The following FYB1 variants were observed in gnomAD, a reference collection of about 807,000 sequenced individuals.
The protein encoded by FYB1 is FYN binding protein 1, also known as FYN-binding protein 1.
FYB1 carries 41 observed loss-of-function variants against 94.1 expected under a neutral mutation model. The ratio of observed to expected loss-of-function variants is 0.44; its 90% confidence interval spans 0.34 to 0.57. The LOEUF is 0.57. Among genes scored for constraint, FYB1 ranks in the 20% least tolerant of loss-of-function variants. The pLI is 0.02. For synonymous variants in FYB1, 367 were observed against 353.2 expected (o/e 1.04, Z -0.44); for missense variants, 1,050 against 976.8 (o/e 1.07, Z -1.00).
chr5:39,219,735 T>G (rs886694133), upstream of FYB1: 2 of 307,096 alleles, frequency 6.5e-6, no homozygotes, highest in Non-Finnish European at 9.5e-6. Context: ...CCTGGATACT[T>G]CTGCTAACAT....
At chr5:39,130,546 A>G (rs945113409) in intron 10 of FYB1, 44 bp downstream of exon 10, 2 of 1,474,026 alleles carry the variant, frequency 1.4e-6, no homozygotes, top group Non-Finnish European at 9.3e-7. Flanking sequence ...ATGCCAATAT[A>G]TGTATCAATT....
intron 18 of FYB1, 37 bp from the exon 19 acceptor site, chr5:39,107,502 A>G (rs760207864): frequency 2.1e-6 from 3 of 1,404,512 alleles, no homozygotes; most frequent in Non-Finnish European, 2.9e-6. Flanking sequence ...TATAGTTATT[A>G]AAAACATATT....
At chr5:39,125,614 G>T (rs990714236) in intron 12 of FYB1, among the ~76,000 whole-genome samples, 18 of 152,104 alleles carry the variant, frequency 1.2e-4, no homozygotes, top group South Asian at 2.1e-4. Flanking sequence ...ATGTGGCATT[G>T]GAATTGTGAG....
intron 1 of FYB1, among the ~76,000 whole-genome samples, chr5:39,240,349 T>C (rs556465132): frequency 1.3e-5 from 2 of 152,326 alleles, no homozygotes; most frequent in South Asian, 4.1e-4. Context: ...AAAGAACTTC[T>C]GTGCAGGAAA....
At chr5:39,108,992 A>C (rs947525312) in intron 17 of FYB1, among the ~76,000 whole-genome samples, 1 of 152,158 alleles carries the variant, frequency 6.6e-6, no homozygotes, top group Non-Finnish European at 1.5e-5. Context: ...GTACCTTATA[A>C]TCAAACAGGA....
At chr5:39,136,435 T>C (rs150871585) in intron 7 of FYB1, among the ~76,000 whole-genome samples, 2 of 152,310 alleles carry the variant, frequency 1.3e-5, no homozygotes, top group East Asian at 3.9e-4. Context: ...AGATTGGTAG[T>C]CATGCATTCT....
At chr5:39,183,629 C>T (rs977669011) in intron 2 of FYB1, among the ~76,000 whole-genome samples, 4 of 152,198 alleles carry the variant, frequency 2.6e-5, no homozygotes, top group Admixed American at 2.6e-4. Context: ...TCTATTCTTC[C>T]ATTCCTACTC....
intron 2 of FYB1, chr5:39,170,051 C>T: frequency 1.2e-6 from 1 of 820,058 alleles, no homozygotes; most frequent in Non-Finnish European, 2.1e-6. Flanking sequence ...GAGGCCTCCA[C>T]TGGTGTCCTA....
chr5:39,119,114 A>G, intron 15 of FYB1, 78 bp from the exon 16 acceptor site: 1 of 682,748 alleles, frequency 1.5e-6, no homozygotes, highest in Non-Finnish European at 2.2e-6. Flanking sequence ...TGGATTTATT[A>G]AAAAGTTATT....
chr5:39,250,004 C>A (rs1220740596), intron 1 of FYB1, among the ~76,000 whole-genome samples: 3 of 152,128 alleles, frequency 2.0e-5, no homozygotes, highest in East Asian at 1.9e-4. Flanking sequence ...CTCATGAGAT[C>A]TGATGGTTTT....
At chr5:39,162,731 T>A (rs1047510725) in intron 2 of FYB1, among the ~76,000 whole-genome samples, 1 of 136,722 alleles carries the variant, frequency 7.3e-6, no homozygotes, top group Admixed American at 7.6e-5. Context: ...TTTTTTTTTT[T>A]AAACAAGTGG....
intron 14 of FYB1, among the ~76,000 whole-genome samples, chr5:39,120,163 T>C (rs1443255798): frequency 6.6e-6 from 1 of 152,084 alleles, no homozygotes; most frequent in Non-Finnish European, 1.5e-5. Context: ...TTAGATATTA[T>C]AAGAAGGAGC....
intron 2 of FYB1, among the ~76,000 whole-genome samples, chr5:39,157,770 C>T (rs768582257): frequency 3.9e-5 from 6 of 152,118 alleles, no homozygotes; most frequent in Non-Finnish European, 8.8e-5. Context: ...ACTGAAAAGA[C>T]CATGTAGAAT....
chr5:39,270,244 C>G (rs1222668559), intron 1 of FYB1, among the ~76,000 whole-genome samples: 1 of 152,130 alleles, frequency 6.6e-6, no homozygotes, highest in Non-Finnish European at 1.5e-5. Context: ...CTGCTCATAA[C>G]AGGAAACTCG....
chr5:39,244,905 T>C lies in FYB1; in HGVS notation c.-28+29498A>G, dbSNP rs541601753. On this transcript the variant is annotated intron_variant, in intron 1 of 1. Transcript: ENST00000510188. The stretch of plus-strand genomic sequence containing the variant: ...TGTCGAGGTATTTATCCATTTCTTC[T>C]AGGTTTTCTAGTTTATTTGCATAGA... Among the ~76,000 whole-genome samples, 138 of 152,318 alleles carry C rather than the reference T, an allele frequency of 9.1e-4. 3 individuals carry two copies. Among genetic ancestry groups the C allele is most frequent in the African/African-American group, 3.1e-3 (129 of 41,576 alleles).
At chr5:39,145,457 G>T (rs567957153) in intron 3 of FYB1, among the ~76,000 whole-genome samples, 28 of 152,146 alleles carry the variant, frequency 1.8e-4, no homozygotes, top group East Asian at 1.3e-3. Context: ...TTTGAGCCAT[G>T]TGAGTTGTCC....
Position 39,145,887 on chromosome 5 carries a change from T to C in FYB1, c.1293-4746A>G, listed in dbSNP as rs570314376. On this transcript the variant is annotated intron_variant, in intron 3 of 18. Transcript: ENST00000512982. ...CTCCCTTCTCAGCATCCCCTGCTTGTGGTCCTCCCATTCTTTTTTTTTTTC... is the reference window on the plus strand; with the variant it reads ...CTCCCTTCTCAGCATCCCCTGCTTGCGGTCCTCCCATTCTTTTTTTTTTTC... 2.0e-5 allele frequency among the ~76,000 whole-genome samples: 3 copies of C among 151,548 alleles called. No homozygotes were observed. The South Asian group carries it at 6.3e-4, about 32-fold the overall frequency.
At chr5:39,109,972 C>A (rs1234027665) in intron 17 of FYB1, among the ~76,000 whole-genome samples, 1 of 152,140 alleles carries the variant, frequency 6.6e-6, no homozygotes, top group Admixed American at 6.6e-5. Context: ...TTAGCACCTA[C>A]TATGAAGTCA....
At chr5:39,116,233 C>T (rs1739555804) in intron 16 of FYB1, among the ~76,000 whole-genome samples, 1 of 152,114 alleles carries the variant, frequency 6.6e-6, no homozygotes, top group South Asian at 2.1e-4. Flanking sequence ...CAAACTAAGA[C>T]AAAATCCAGC....
Sources: gnomAD v4.1 joint callset for allele counts (sites outside exome capture counted in the v4.1 genomes callset) on GRCh38, gnomAD v4.1.1 for gene constraint, MANE v1.5 for transcripts, NCBI Gene and HGNC (gene_info 2026-07-23, HGNC 2026-07-21) for gene names.